Variants in NLRP5 observed in about 807,000 individuals in gnomAD.
NLRP5 encodes NACHT, LRR and PYD domains-containing protein 5.
A neutral mutation model predicts 113.1 loss-of-function variants in NLRP5; 93 were observed. The ratio of observed to expected loss-of-function variants is 0.82; its 90% CI spans 0.70 to 0.98. The LOEUF (loss-of-function observed/expected upper bound fraction) is 0.98, where lower values mean the gene tolerates loss of function less well. NLRP5 is among the 50% of genes least tolerant of loss of function. The probability of loss-of-function intolerance (pLI) is 0.00; values close to 1 mark genes in which losing one functional copy is unlikely to be tolerated. For missense variants in NLRP5, 1,808 were observed against 1,514.3 expected (o/e 1.19, Z -3.22); for synonymous variants, 751 against 600.7 (o/e 1.25, Z -3.66).
the NLRP5 span, chr19:55,988,534 C>T: frequency 1.0e-4 from 15 of 148,158 alleles, no homozygotes; most frequent in South Asian, 6.4e-4. Context: ...AAGTCTTCAT[C>T]GTCTTCTTGC....
chr19:56,013,185 A>C (rs1185009302), intron 3 of NLRP5, among the ~76,000 whole-genome samples: 1 of 151,880 alleles, frequency 6.6e-6, no homozygotes, highest in East Asian at 1.9e-4. Context: ...ATTTAACATA[A>C]TGTTTTTGTT....
Position 56,028,384 on chromosome 19 carries a change from C to T in NLRP5, c.2151C>T (p.Asn717=). The T allele has an allele frequency of 6.2e-7, 1 of 1,613,996 alleles. No individual in the cohort carries two copies. The highest frequency in any genetic ancestry group is 8.5e-7 in the Non-Finnish European group (1 of 1,179,890). Reference sequence around the variant, plus strand: ...AAGTGTGGCTTCCGATTAACCAGAACCTGGACTTGATAGCATCTTCCTTCT... The same window carrying T: ...AAGTGTGGCTTCCGATTAACCAGAATCTGGACTTGATAGCATCTTCCTTCT... The change falls in exon 7 of 15, where the codon AAC becomes AAT. Residue 717 remains asparagine, a synonymous_variant. Coordinates refer to ENST00000390649, the MANE Select transcript of NLRP5 (RefSeq NM_153447.4).
chr19:56,024,922 T>A (rs1982779568), intron 6 of NLRP5, among the ~76,000 whole-genome samples: 1 of 151,486 alleles, frequency 6.6e-6, no homozygotes, highest in Non-Finnish European at 1.5e-5. Context: ...CATCTGTATT[T>A]ACAGCTGCTC....
intron 13 of NLRP5, among the ~76,000 whole-genome samples, chr19:56,057,510 A>AT (rs973267193): frequency 3.9e-5 from 6 of 152,062 alleles, no homozygotes; most frequent in East Asian, 1.9e-4. Flanking sequence ...TGTACAGGTG[A>AT]TTTTTTTATA....
chr19:56,005,017 C>G (rs965347365), intron 2 of NLRP5, among the ~76,000 whole-genome samples: 5 of 150,462 alleles, frequency 3.3e-5, no homozygotes, highest in African/African-American at 9.8e-5. Context: ...TCACTTGAAT[C>G]CGGGAGGCAG....
At chr19:56,020,309 T>TG (rs1035716490) in intron 5 of NLRP5, 66 bp from the exon 6 acceptor site, 20 of 1,584,662 alleles carry the variant, frequency 1.3e-5, no homozygotes, top group East Asian at 4.5e-5. Context: ...AAGCTTATCT[T>TG]GGGGGTGTCT....
the NLRP5 span, among the ~76,000 whole-genome samples, chr19:55,991,684 A>G: frequency 1.5e-5 from 2 of 134,362 alleles, no homozygotes; most frequent in Non-Finnish European, 3.3e-5. Flanking sequence ...AAATTGAGTA[A>G]TTTATTAGGC....
At chr19:56,049,926 C>G (rs112672197) in intron 11 of NLRP5, among the ~76,000 whole-genome samples, 8 of 152,024 alleles carry the variant, frequency 5.3e-5, no homozygotes, top group African/African-American at 1.9e-4. Context: ...CTTGTTTTGT[C>G]ATATTACCAG....
the NLRP5 span, among the ~76,000 whole-genome samples, chr19:55,989,990 A>G: frequency 0.094 from 14,228 of 151,582 alleles, 809 homozygotes; most frequent in African/African-American, 0.15. Context: ...TGTCAAACGT[A>G]GTACATCATT....
rs550620807 is a variant in NLRP5, at chr19:56,028,426, G to T, written c.2193G>T (p.Pro731=). 1.9e-6 allele frequency: 3 copies of T among 1,613,918 alleles called. No individual in the cohort carries two copies. The highest frequency in any genetic ancestry group is 2.5e-6 in the Non-Finnish European group (3 of 1,179,884). Residue 731 remains proline, a synonymous_variant, in exon 7 of 15, where the codon CCG becomes CCT. Coordinates refer to ENST00000390649, the MANE Select transcript of NLRP5 (RefSeq NM_153447.4). Reference sequence around the variant, plus strand: ...CTTCCTTCTGCCTCCAGCACTGTCCGTATTTGCGGAAAATTCGGGTGGATG... The same window carrying T: ...CTTCCTTCTGCCTCCAGCACTGTCCTTATTTGCGGAAAATTCGGGTGGATG...
chr19:55,989,838 G>T, the NLRP5 span, among the ~76,000 whole-genome samples: 1 of 152,044 alleles, frequency 6.6e-6, no homozygotes, highest in Non-Finnish European at 1.5e-5. Context: ...GGGTCTAATT[G>T]CATTTAAAAC....
intron 11 of NLRP5, among the ~76,000 whole-genome samples, chr19:56,046,857 A>G (rs1443026568): frequency 6.6e-6 from 1 of 152,222 alleles, no homozygotes; most frequent in Non-Finnish European, 1.5e-5. Flanking sequence ...AACGTCTGGT[A>G]GAATTCTGTG....
Position 56,041,052 on chromosome 19 carries a change from C to T in NLRP5, c.2917C>T (p.Arg973Ter). Residue 973 changes from arginine (R) to a stop codon, truncating the protein, a stop_gained, in exon 11 of 15, where the codon CGA becomes TGA. Coordinates refer to ENST00000390649, the MANE Select transcript of NLRP5 (RefSeq NM_153447.4). LOFTEE classifies it high-confidence loss of function. ...GAACGAAGGTGTAAATCTACTGTGTCGATCCATGAGGCTTCCCCACTGTAG... is the reference window on the plus strand; with the variant it reads ...GAACGAAGGTGTAAATCTACTGTGTTGATCCATGAGGCTTCCCCACTGTAG... The T allele has an allele frequency of 1.9e-6, 3 of 1,613,960 alleles. No individual in the cohort carries two copies. The highest frequency in any genetic ancestry group is 2.2e-5 in the South Asian group (2 of 91,080).
Position 56,027,958 on chromosome 19 carries a change from C to T in NLRP5, c.1725C>T (p.His575=). Residue 575 remains histidine, a synonymous_variant, in exon 7 of 15, where the codon CAC becomes CAT. Coordinates refer to ENST00000390649, the MANE Select transcript of NLRP5 (RefSeq NM_153447.4). ...TGAACATCCTTCTCCCAGACAGCCA[C>T]TGTGAGGAGTACTACACCTTCTTCC... is the stretch of plus-strand genomic sequence containing the variant. 2 of 1,613,998 alleles carry T rather than the reference C, an allele frequency of 1.2e-6. No homozygotes were observed. The highest frequency in any genetic ancestry group is 1.3e-5 in the African/African-American group (1 of 75,048).
intron 1 of NLRP5, among the ~76,000 whole-genome samples, chr19:56,002,592 T>C (rs2123265533): frequency 6.6e-6 from 1 of 150,808 alleles, no homozygotes; most frequent in Non-Finnish European, 1.5e-5. Context: ...ATTAGGTATA[T>C]CTCCTAATGC....
intron 1 of NLRP5, among the ~76,000 whole-genome samples, chr19:56,000,056 T>TCCCCA (rs1981572577): frequency 6.6e-6 from 1 of 151,102 alleles, no homozygotes; most frequent in African/African-American, 2.5e-5. Context: ...GACTGCCACC[T>TCCCCA]CTCCACTCTT....
chr19:56,026,939 A>G lies in NLRP5; in HGVS notation c.706A>G (p.Lys236Glu). The change falls in exon 7 of 15, where the codon AAG (lysine) becomes GAG (glutamate). Residue 236 changes from lysine (K) to glutamate (E), a missense_variant. Transcript: ENST00000390649. The stretch of plus-strand genomic sequence containing the variant: ...ACATGGAGGTGACACATGGGACTAC[A>G]AGAGTCACGTGATGACCAAATTCGC... The G allele has an allele frequency of 6.4e-7, 1 of 1,551,692 alleles. No homozygotes were observed. The highest frequency in any genetic ancestry group is 2.4e-5 in the East Asian group (1 of 40,922).
chr19:55,998,688 A>ATATATGTGTGTGTGTGTGTG (rs1981440088), upstream of NLRP5, among the ~76,000 whole-genome samples: 139 of 50,268 alleles, frequency 2.8e-3, 1 homozygote, highest in African/African-American at 8.7e-3. Context: ...ATATATATAT[A>ATATATGTGTGTGTGTGTGTG]TATATATATA....
intron 6 of NLRP5, among the ~76,000 whole-genome samples, chr19:56,025,293 C>T (rs4995706): frequency 0.025 from 3,793 of 152,168 alleles, 151 homozygotes; most frequent in African/African-American, 0.087. Flanking sequence ...TCCACAAAAC[C>T]GGTCCCTGGT....
Sources: gnomAD v4.1 joint callset for allele counts (sites outside exome capture counted in the v4.1 genomes callset) on GRCh38, gnomAD v4.1.1 for gene constraint, MANE v1.5 for transcripts, NCBI Gene and HGNC (gene_info 2026-07-23, HGNC 2026-07-21) for gene names.